ZNF221: variants seen among roughly 807,000 people sequenced by gnomAD.
ZNF221 encodes the protein zinc finger protein 221.
ZNF221 carries 10 observed loss-of-function variants against 12.6 expected under a neutral mutation model. The observed-to-expected ratio is 0.79, with a 90% confidence interval of 0.49 to 1.34. ZNF221 has a LOEUF of 1.34. Among genes scored for constraint, ZNF221 ranks in the 40% most tolerant of loss-of-function variants. ZNF221 has a pLI of 0.00. For missense variants in ZNF221, 661 were observed against 721.4 expected, an observed-to-expected ratio of 0.92 and a Z score of 0.96; for synonymous variants, 232 against 244.0, an observed-to-expected ratio of 0.95 and a Z score of 0.46.
chr19:43,980,617 TATA>T, the ZNF221 span, among the ~76,000 whole-genome samples: 1 of 152,254 alleles, frequency 6.6e-6, no homozygotes, highest in Admixed American at 6.5e-5. Flanking sequence ...AAATAAATCT[TATA>T]ATAATTCATG....
At chr19:43,978,507 A>G in the ZNF221 span, 3 of 152,230 alleles carry the variant, frequency 2.0e-5, no homozygotes, top group Non-Finnish European at 4.4e-5. Context: ...AATAAAAAAT[A>G]CCATAGGTAG....
chr19:43,953,376 G>A (rs1247087258), intron 1 of ZNF221, among the ~76,000 whole-genome samples: 1 of 152,020 alleles, frequency 6.6e-6, no homozygotes, highest in East Asian at 1.9e-4. Flanking sequence ...TACCTTCCTG[G>A]GTATGCCACT....
intron 1 of ZNF221, among the ~76,000 whole-genome samples, chr19:43,957,509 A>C (rs1974776660): frequency 6.6e-6 from 1 of 152,210 alleles, no homozygotes; most frequent in Non-Finnish European, 1.5e-5. Context: ...AGTATGTAAG[A>C]AAGCAGCTTT....
chr19:43,964,800 G>A, intron 2 of ZNF221, 150 bp from the exon 3 acceptor site: 1 of 1,060,770 alleles, frequency 9.4e-7, no homozygotes, highest in Non-Finnish European at 1.4e-6. Context: ...TCAGGATATA[G>A]GCAGAATGAG....
chr19:43,976,737 G>C, the ZNF221 span: 2 of 152,164 alleles, frequency 1.3e-5, no homozygotes, highest in Non-Finnish European at 2.9e-5. Flanking sequence ...AAGAACATTT[G>C]TTGGAGTTTG....
intron 1 of ZNF221, chr19:43,960,066 A>G (rs1974819198): frequency 6.6e-6 from 1 of 152,126 alleles, no homozygotes. Flanking sequence ...GGGAATATGG[A>G]CAATGAAGTC....
downstream of ZNF221, chr19:43,967,998 G>C (rs1975014876): frequency 6.5e-6 from 1 of 152,946 alleles, no homozygotes; most frequent in African/African-American, 2.4e-5. Context: ...GGAAACCTTA[G>C]TAAGGTGATA....
rs1161988523 is a variant in ZNF221, at chr19:43,964,980, G to T, written c.112G>T (p.Val38Phe). 6 of 1,614,176 alleles carry T rather than the reference G, an allele frequency of 3.7e-6. No individual in the cohort carries two copies. The South Asian group carries it at 6.6e-5, about 18-fold the overall frequency. ...EAVTFKDVAV[V>F]FTEEELGLLD... ...AGTGACATTCAAGGATGTGGCTGTG[G>T]TCTTCACTGAGGAGGAGCTGGGGCT... The change falls in exon 3 of 5, where the codon GTC becomes TTC. Residue 38 changes from valine (V) to phenylalanine (F), a missense_variant. Val to Phe is a conservative substitution (Grantham distance 50). Transcript: ENST00000587682.
In ZNF221 at chr19:43,967,472, G is replaced by C. The variant is rs1307047459; in HGVS notation, c.*116G>C. ...AACTGTGGGAAGAGCTTTGTACATA[G>C]ATCATATCTTTTTTTTTTTTTTTTG... is the stretch of plus-strand genomic sequence containing the variant. On this transcript the variant is annotated 3_prime_UTR_variant, in exon 5 of 5. Coordinates refer to ENST00000587682, the MANE Select transcript of ZNF221 (RefSeq NM_001297588.2). The C allele has an allele frequency of 2.7e-6, 2 of 751,776 alleles. No homozygotes were observed. Among genetic ancestry groups the C allele is most frequent in the Non-Finnish European group, 4.2e-6 (2 of 472,560 alleles). 46.6% of individuals were successfully genotyped at this position (751,776 alleles called of 1,614,324 possible). A position where few individuals can be genotyped will look rare whatever the true frequency, so the allele number is the denominator to read the frequency against.
At chr19:43,962,641 T>C (rs1477335738) in intron 1 of ZNF221, 84 bp from the exon 2 acceptor site, 1 of 1,325,162 alleles carries the variant, frequency 7.5e-7, no homozygotes, top group East Asian at 2.3e-5. Flanking sequence ...CATGTGCTAA[T>C]TGAAAATACT....
chr19:43,951,862 T>C lies in ZNF221; in HGVS notation c.-3+462T>C, dbSNP rs1974677123. Reference sequence around the variant, plus strand: ...AGTCTTTGACCTCTTTTTTTTTTTTTTTTTTTTTTTTTTTTTTTTTTTTTT... The same window carrying C: ...AGTCTTTGACCTCTTTTTTTTTTTTCTTTTTTTTTTTTTTTTTTTTTTTTT... On this transcript the variant is annotated intron_variant, in intron 1 of 4. Transcript: ENST00000587682. Among the ~76,000 whole-genome samples the C allele has an allele frequency of 3.4e-4, 3 of 8,736 alleles. No homozygotes were observed. The Admixed American group carries it at 5.9e-3, about 17-fold the overall frequency. The allele number at this position is 8,736 out of a possible 152,430, so 5.7% of individuals were successfully genotyped here.
the ZNF221 span, among the ~76,000 whole-genome samples, chr19:43,981,140 A>G: frequency 3.3e-5 from 5 of 152,230 alleles, no homozygotes; most frequent in African/African-American, 1.2e-4. Flanking sequence ...AGATTTGAAC[A>G]ATTTACAAAA....
Position 43,967,400 on chromosome 19 carries a change from C to T in ZNF221, c.*44C>T. ...GGGCTTTGGCTGGGCCTCAACTCAT[C>T]TGACCCATCAATTCTCCACAGCAGA... On this transcript the variant is annotated 3_prime_UTR_variant, in exon 5 of 5. Coordinates refer to ENST00000587682, the MANE Select transcript of ZNF221 (RefSeq NM_001297588.2). 1 of 1,439,918 alleles carries T rather than the reference C, an allele frequency of 6.9e-7. No homozygotes were observed. 89.2% of individuals were successfully genotyped at this position (1,439,918 alleles called of 1,614,324 possible).
chr19:43,966,465 T>C lies in ZNF221; in HGVS notation c.963T>C (p.Val321=), dbSNP rs771755457. ...ATATATGTGGTAAGAGCTTCCGTGT[T>C]AGATCAAGACTTAATAGGCATTCCA... ...KCDICGKSFR[V]RSRLNRHSMV... Residue 321 remains valine, a synonymous_variant, in exon 5 of 5, where the codon GTT becomes GTC. Transcript: ENST00000587682. 1.2e-6 allele frequency: 2 copies of C among 1,614,040 alleles called. No individual in the cohort carries two copies. The highest frequency in any genetic ancestry group is 1.3e-5 in the African/African-American group (1 of 74,918).
At chr19:43,959,622 CTCTT>C (rs1423987202) in intron 1 of ZNF221, among the ~76,000 whole-genome samples, 5 of 152,200 alleles carry the variant, frequency 3.3e-5, no homozygotes, top group Non-Finnish European at 5.9e-5. Flanking sequence ...CAATTTCTCT[CTCTT>C]GTTCCTGCTC....
At chr19:43,972,033 A>G (rs565118635), downstream of ZNF221, among the ~76,000 whole-genome samples, 1 of 152,328 alleles carries the variant, frequency 6.6e-6, no homozygotes, top group East Asian at 1.9e-4. Context: ...ATGCAAAAGA[A>G]CTGAAATCAT....
chr19:43,979,422 C>CATATATAT, the ZNF221 span, among the ~76,000 whole-genome samples: 35 of 138,606 alleles, frequency 2.5e-4, no homozygotes, highest in Admixed American at 7.9e-4. Flanking sequence ...AACAGTAATA[C>CATATATAT]ATATATATAT....
At chr19:43,953,359 G>A (rs758422694) in intron 1 of ZNF221, among the ~76,000 whole-genome samples, 4 of 151,940 alleles carry the variant, frequency 2.6e-5, no homozygotes, top group Admixed American at 1.3e-4. Context: ...GGGATGCAGA[G>A]CTTCCATACC....
chr19:43,981,518 GA>G, the ZNF221 span, among the ~76,000 whole-genome samples: 1 of 152,052 alleles, frequency 6.6e-6, no homozygotes, highest in Non-Finnish European at 1.5e-5. Flanking sequence ...TAAAATATTG[GA>G]AGTCACTGAA....
Sources: allele counts gnomAD v4.1 joint callset (sites outside exome capture counted in the v4.1 genomes callset), GRCh38; gene constraint gnomAD v4.1.1; transcripts MANE v1.5; gene names NCBI Gene and HGNC (gene_info 2026-07-23, HGNC 2026-07-21).